SNX2: variants seen among roughly 807,000 people sequenced by gnomAD.
SNX2 encodes the protein sorting nexin 2.
SNX2 carries 25 observed loss-of-function variants against 69.9 expected under a neutral mutation model. The ratio of observed to expected loss-of-function variants is 0.36; its 90% CI spans 0.26 to 0.50. The LOEUF is 0.50. SNX2 is among the 20% of genes least tolerant of loss of function. The pLI is 0.97. For missense variants in SNX2, 551 were observed against 613.3 expected, an observed-to-expected ratio of 0.90 and a Z score of 1.07; for synonymous variants, 229 against 200.4, an observed-to-expected ratio of 1.14 and a Z score of -1.20.
At chr5:122,776,813 A>G (rs2149998643) in intron 1 of SNX2, among the ~76,000 whole-genome samples, 1 of 152,346 alleles carries the variant, frequency 6.6e-6, no homozygotes, top group South Asian at 2.1e-4. Flanking sequence ...AGAAAGAACT[A>G]TAATCTGTAT....
At chr5:122,782,022 A>C (rs1285275710) in intron 1 of SNX2, among the ~76,000 whole-genome samples, 1 of 152,288 alleles carries the variant, frequency 6.6e-6, no homozygotes, top group East Asian at 1.9e-4. Context: ...AAATCAGCAA[A>C]AGCTAAAAAT....
chr5:122,793,519 A>G (rs968456238), intron 1 of SNX2, among the ~76,000 whole-genome samples: 1 of 152,172 alleles, frequency 6.6e-6, no homozygotes, highest in African/African-American at 2.4e-5. Context: ...ATCCAAGTGC[A>G]TTTGCATAGG....
At chr5:122,806,586 A>G (rs1753663037) in intron 6 of SNX2, among the ~76,000 whole-genome samples, 1 of 144,118 alleles carries the variant, frequency 6.9e-6, no homozygotes, top group Non-Finnish European at 1.5e-5. Context: ...TAGTTACGGT[A>G]GGTTGTTTGG....
At chr5:122,819,403 C>T (rs185754654) in intron 11 of SNX2, among the ~76,000 whole-genome samples, 2 of 152,170 alleles carry the variant, frequency 1.3e-5, no homozygotes, top group East Asian at 1.9e-4. Context: ...AAACCAGAAA[C>T]GATTATTGCA....
chr5:122,799,426 G>A (rs115508325), intron 2 of SNX2, among the ~76,000 whole-genome samples: 85 of 152,206 alleles, frequency 5.6e-4, no homozygotes, highest in African/African-American at 2.0e-3. Context: ...CTGCATCATT[G>A]CTTTTCTTTC....
intron 1 of SNX2, among the ~76,000 whole-genome samples, chr5:122,779,899 T>C (rs1752933746): frequency 6.6e-6 from 1 of 152,078 alleles, no homozygotes; most frequent in African/African-American, 2.4e-5. Flanking sequence ...GTCCTCCCCT[T>C]ACAGGCCCCA....
Position 122,803,546 on chromosome 5 carries a change from C to T in SNX2, c.576C>T (p.Ser192=). 1 of 1,612,352 alleles carries T rather than the reference C, an allele frequency of 6.2e-7. No individual in the cohort carries two copies. Among genetic ancestry groups the T allele is most frequent in the South Asian group, 1.1e-5 (1 of 90,630 alleles). Residue 192 remains serine, a synonymous_variant, in exon 6 of 15, where the codon AGC becomes AGT. Transcript: ENST00000379516. The part of the protein sequence containing the change: ...RRFSDFLGLH[S]KLASKYLHVG... ...TCAGCGACTTTCTTGGTTTGCACAG[C>T]AAATTAGCAAGCAAATATTTACATG...
At chr5:122,813,044 G>C (rs1753815583) in intron 7 of SNX2, among the ~76,000 whole-genome samples, 2 of 152,042 alleles carry the variant, frequency 1.3e-5, no homozygotes, top group African/African-American at 4.8e-5. Flanking sequence ...CCTCTTATTG[G>C]ATGTGATATT....
At chr5:122,814,976 C>T (rs1471208883) in intron 7 of SNX2, among the ~76,000 whole-genome samples, 1 of 152,176 alleles carries the variant, frequency 6.6e-6, no homozygotes, top group Non-Finnish European at 1.5e-5. Context: ...GTCTTGAACT[C>T]CTGACCTCGT....
chr5:122,780,561 C>G (rs1454902016), intron 1 of SNX2, among the ~76,000 whole-genome samples: 1 of 144,074 alleles, frequency 6.9e-6, no homozygotes, highest in Non-Finnish European at 1.5e-5. Flanking sequence ...AACTTGTTTT[C>G]TTTTCTTTTC....
In SNX2 at chr5:122,831,059, G is replaced by GT. The variant is rs1754279053; in HGVS notation, c.*1417dup. ...GATGACTGGTGTCAGAGCTATTTTTGTTTTTTAAAAAATATTCTTACAAAC... is the reference window on the plus strand; with the variant it reads ...GATGACTGGTGTCAGAGCTATTTTTGTTTTTTTAAAAAATATTCTTACAAAC... On this transcript the variant is annotated 3_prime_UTR_variant, in exon 15 of 15. Coordinates refer to ENST00000379516, the MANE Select transcript of SNX2 (RefSeq NM_003100.4). 2.3e-5 allele frequency among the ~76,000 whole-genome samples: 3 copies of GT among 129,896 alleles called. No individual in the cohort carries two copies. In the South Asian group the frequency reaches 7.8e-4, roughly 34 times the overall value. 85.2% of individuals were successfully genotyped at this position (129,896 alleles called of 152,430 possible). A position where few individuals can be genotyped will look rare whatever the true frequency, so the allele number is the denominator to read the frequency against.
intron 11 of SNX2, among the ~76,000 whole-genome samples, chr5:122,819,857 A>T (rs563338324): frequency 3.9e-5 from 6 of 152,190 alleles, no homozygotes; most frequent in Non-Finnish European, 5.9e-5. Flanking sequence ...ATACTCATCT[A>T]CAATGAGCAT....
chr5:122,796,836 T>A (rs971496029), intron 2 of SNX2, among the ~76,000 whole-genome samples: 3 of 150,240 alleles, frequency 2.0e-5, no homozygotes, highest in Non-Finnish European at 4.5e-5. Flanking sequence ...ACATGCAAGG[T>A]TTTTTTTTTC....
At chr5:122,803,224 T>C (rs943947617) in intron 5 of SNX2, among the ~76,000 whole-genome samples, 1 of 152,170 alleles carries the variant, frequency 6.6e-6, no homozygotes, top group African/African-American at 2.4e-5. Flanking sequence ...ATTATTAGCG[T>C]AAATAGAGTG....
intron 12 of SNX2, 113 bp from the exon 13 acceptor site, chr5:122,827,266 A>G (rs1754170277): frequency 1.2e-6 from 1 of 804,146 alleles, no homozygotes. Context: ...GTGCATTGCC[A>G]ATATTGAGCT....
intron 1 of SNX2, among the ~76,000 whole-genome samples, chr5:122,776,081 C>G (rs987207232): frequency 4.6e-5 from 7 of 152,124 alleles, no homozygotes; most frequent in African/African-American, 1.7e-4. Flanking sequence ...AGCACCCACA[C>G]CTCACAGCCT....
chr5:122,798,836 C>T (rs1048010500), intron 2 of SNX2, among the ~76,000 whole-genome samples: 2 of 152,176 alleles, frequency 1.3e-5, no homozygotes, highest in Admixed American at 6.5e-5. Context: ...CCCAGCTCAA[C>T]TCAAATTGTA....
chr5:122,802,911 C>G (rs554290005), intron 5 of SNX2, among the ~76,000 whole-genome samples: 3 of 152,112 alleles, frequency 2.0e-5, no homozygotes, highest in Admixed American at 6.6e-5. Context: ...AGGGACTTTG[C>G]AGCTGTGAGA....
chr5:122,797,760 A>G (rs1753416540), intron 2 of SNX2, among the ~76,000 whole-genome samples: 1 of 152,212 alleles, frequency 6.6e-6, no homozygotes, highest in South Asian at 2.1e-4. Context: ...CTTTACAGTT[A>G]GCACCTATGA....
Sources: gnomAD v4.1 joint callset for allele counts (sites outside exome capture counted in the v4.1 genomes callset) on GRCh38, gnomAD v4.1.1 for gene constraint, MANE v1.5 for transcripts, NCBI Gene and HGNC (gene_info 2026-07-23, HGNC 2026-07-21) for gene names.